Variants in GLIS3 observed in about 807,000 individuals in gnomAD.
GLIS3 encodes GLIS family zinc finger 3, also known as zinc finger protein GLIS3.
A neutral mutation model predicts 78.6 loss-of-function variants in GLIS3; 53 were observed. The ratio of observed to expected loss-of-function variants is 0.67; its 90% CI spans 0.54 to 0.85. GLIS3 has a LOEUF of 0.85. GLIS3 is among the 40% of genes least tolerant of loss of function. GLIS3 has a pLI of 0.00. For missense variants in GLIS3, 1,703 were observed against 1,231.1 expected, an observed-to-expected ratio of 1.38 and a Z score of -5.74; for synonymous variants, 684 against 509.9, an observed-to-expected ratio of 1.34 and a Z score of -4.60.
At chr9:4,022,605 C>T (rs540366208) in intron 4 of GLIS3, among the ~76,000 whole-genome samples, 2 of 152,256 alleles carry the variant, frequency 1.3e-5, no homozygotes, top group South Asian at 4.2e-4. Flanking sequence ...AAACATCTGT[C>T]CACAGTGAGA....
At chr9:4,165,480 T>C (rs889257930) in intron 2 of GLIS3, among the ~76,000 whole-genome samples, 1 of 152,094 alleles carries the variant, frequency 6.6e-6, no homozygotes, top group Admixed American at 6.5e-5. Context: ...TTCTTTTCCA[T>C]GGGGGGAAAA....
chr9:4,467,658 G>A, the GLIS3 span, among the ~76,000 whole-genome samples: 1 of 152,160 alleles, frequency 6.6e-6, no homozygotes, highest in Non-Finnish European at 1.5e-5. Context: ...AACAAAGGTA[G>A]ATAAAACCAC....
intron 4 of GLIS3, among the ~76,000 whole-genome samples, chr9:4,110,643 C>A (rs976453655): frequency 3.3e-5 from 5 of 152,086 alleles, no homozygotes; most frequent in African/African-American, 1.2e-4. Context: ...CATGGCTTCC[C>A]AGAGTTAAAG....
At chr9:3,871,455 C>G (rs1204998943) in intron 8 of GLIS3, among the ~76,000 whole-genome samples, 2 of 152,134 alleles carry the variant, frequency 1.3e-5, no homozygotes, top group Non-Finnish European at 2.9e-5. Flanking sequence ...AGAGCTGTGC[C>G]CCTGCAGCAA....
chr9:4,236,713 G>C (rs149170892), intron 2 of GLIS3, among the ~76,000 whole-genome samples: 2 of 152,150 alleles, frequency 1.3e-5, no homozygotes, highest in Non-Finnish European at 2.9e-5. Context: ...CCCCCACTAT[G>C]TGTAAGGCAA....
upstream of GLIS3, among the ~76,000 whole-genome samples, chr9:4,301,590 A>G (rs1817075645): frequency 6.6e-6 from 1 of 152,230 alleles, no homozygotes; most frequent in Non-Finnish European, 1.5e-5. Flanking sequence ...TGTTCATCAG[A>G]TTCTTGTGCT....
chr9:4,172,268 C>T (rs957138934), intron 2 of GLIS3, among the ~76,000 whole-genome samples: 1 of 152,114 alleles, frequency 6.6e-6, no homozygotes, highest in Admixed American at 6.6e-5. Flanking sequence ...TGGCTCAGCT[C>T]CAGTCCTCAA....
intron 2 of GLIS3, among the ~76,000 whole-genome samples, chr9:4,265,833 G>T (rs1825946723): frequency 6.6e-6 from 1 of 151,966 alleles, no homozygotes; most frequent in Non-Finnish European, 1.5e-5. Context: ...ACTACCAAGG[G>T]TGACAACTTC....
At chr9:3,861,499 C>A (rs1461027718) in intron 8 of GLIS3, among the ~76,000 whole-genome samples, 1 of 151,126 alleles carries the variant, frequency 6.6e-6, no homozygotes, top group Non-Finnish European at 1.5e-5. Flanking sequence ...ACGTTCATTG[C>A]AGCACTATTC....
intron 4 of GLIS3, among the ~76,000 whole-genome samples, chr9:4,100,665 A>G (rs76828855): frequency 0.067 from 10,225 of 152,254 alleles, 751 homozygotes; most frequent in African/African-American, 0.18. Context: ...AGCAGGACTC[A>G]GTTGACTGTT....
At chr9:3,902,801 A>G (rs1822898) in intron 6 of GLIS3, among the ~76,000 whole-genome samples, 114,619 of 152,120 alleles carry the variant, frequency 0.75, 43,288 homozygotes, top group East Asian at 0.83. Context: ...AACTGTGGAA[A>G]CAGCGAATTA....
chr9:4,085,848 C>T, intron 4 of GLIS3, among the ~76,000 whole-genome samples: 1 of 152,172 alleles, frequency 6.6e-6, no homozygotes, highest in East Asian at 1.9e-4. Context: ...TGAGTAGAAA[C>T]TTCCTGAGGC....
Position 4,059,829 on chromosome 9 carries a change from T to TGTGTGTGTGTGTGTGTGTGTGTGTGA in GLIS3, c.1710+57938_1710+57939insTCACACACACACACACACACACACAC. ...TTGTGTGTGTGTGTGTGTGTGTGTGTGAGAGAGAGAGAGAGAGAGAGAGAG... is the reference window on the plus strand; with the variant it reads ...TTGTGTGTGTGTGTGTGTGTGTGTGTGTGTGTGTGTGTGTGTGTGTGTGTGAGAGAGAGAGAGAGAGAGAGAGAGAG... On this transcript the variant is annotated intron_variant, in intron 4 of 10. Coordinates refer to ENST00000381971, the MANE Select transcript of GLIS3 (RefSeq NM_001042413.2). Among the ~76,000 whole-genome samples the TGTGTGTGTGTGTGTGTGTGTGTGTGA allele has an allele frequency of 2.4e-3, 245 of 100,662 alleles. 3 individuals are homozygous for TGTGTGTGTGTGTGTGTGTGTGTGTGA. Among genetic ancestry groups the TGTGTGTGTGTGTGTGTGTGTGTGTGA allele is most frequent in the South Asian group, 6.0e-3 (15 of 2,486 alleles). 66.0% of individuals were successfully genotyped at this position (100,662 alleles called of 152,430 possible). A position where few individuals can be genotyped will look rare whatever the true frequency, so the allele number is the denominator to read the frequency against.
At chr9:4,013,767 TC>T (rs1409143221) in intron 4 of GLIS3, among the ~76,000 whole-genome samples, 5 of 152,184 alleles carry the variant, frequency 3.3e-5, no homozygotes, top group African/African-American at 1.2e-4. Context: ...GCAGAACTCC[TC>T]CATGAATTAG....
At chr9:4,262,400 C>A (rs1420803535) in intron 2 of GLIS3, among the ~76,000 whole-genome samples, 1 of 152,066 alleles carries the variant, frequency 6.6e-6, no homozygotes, top group Non-Finnish European at 1.5e-5. Context: ...AGCAAACAAG[C>A]AAGCTGGAGA....
the GLIS3 span, among the ~76,000 whole-genome samples, chr9:4,399,149 A>G: frequency 2.6e-5 from 4 of 152,190 alleles, no homozygotes; most frequent in South Asian, 2.1e-4. Flanking sequence ...AAATAGCTAG[A>G]AGGAGGATAT....
chr9:4,459,379 C>G, the GLIS3 span, among the ~76,000 whole-genome samples: 1 of 152,218 alleles, frequency 6.6e-6, no homozygotes, highest in Admixed American at 6.5e-5. Flanking sequence ...GATTGGGAAT[C>G]TGGGAACAAA....
chr9:4,240,195 T>TG (rs33916740), intron 2 of GLIS3, among the ~76,000 whole-genome samples: 21 of 139,036 alleles, frequency 1.5e-4, no homozygotes, highest in African/African-American at 5.4e-4. Context: ...GTGGGGGAGG[T>TG]GGGGGGGGGG....
chr9:4,286,612 G>C (rs561992575), intron 1 of GLIS3, 89 bp from the exon 2 acceptor site: 2 of 696,336 alleles, frequency 2.9e-6, no homozygotes, highest in African/African-American at 3.6e-5. Flanking sequence ...CATTCATAAG[G>C]AAGAAAAGCA....
Sources: gnomAD v4.1 joint callset for allele counts (sites outside exome capture counted in the v4.1 genomes callset) on GRCh38, gnomAD v4.1.1 for gene constraint, MANE v1.5 for transcripts, NCBI Gene and HGNC (gene_info 2026-07-23, HGNC 2026-07-21) for gene names.